TMEM132B: variants seen among roughly 807,000 people sequenced by gnomAD.
TMEM132B encodes the protein transmembrane protein 132B.
A neutral mutation model predicts 90.8 loss-of-function variants in TMEM132B; 18 were observed. That is an observed-to-expected ratio of 0.20 (90% CI 0.14 to 0.29). The LOEUF is 0.29. Among genes scored for constraint, TMEM132B ranks in the 10% least tolerant of loss-of-function variants. TMEM132B has a pLI of 1.00. For synonymous variants in TMEM132B, 504 were observed against 523.3 expected (o/e 0.96, Z 0.50); for missense variants, 1,096 against 1,326.8 (o/e 0.83, Z 2.70).
At chr12:125,324,610 C>T (rs965208859) in intron 1 of TMEM132B, among the ~76,000 whole-genome samples, 3 of 152,180 alleles carry the variant, frequency 2.0e-5, no homozygotes, top group Non-Finnish European at 4.4e-5. Context: ...GTCGGATCAG[C>T]GGCAGCATTA....
intron 5 of TMEM132B, among the ~76,000 whole-genome samples, chr12:125,602,792 A>C (rs1263645837): frequency 6.6e-6 from 1 of 152,224 alleles, no homozygotes; most frequent in East Asian, 1.9e-4. Flanking sequence ...ATCAATATGC[A>C]AAAATCACAG....
intron 1 of TMEM132B, among the ~76,000 whole-genome samples, chr12:125,253,132 G>A (rs544024901): frequency 3.3e-5 from 5 of 152,168 alleles, no homozygotes; most frequent in African/African-American, 9.6e-5. Context: ...TGACCCCCTC[G>A]TGGAGGCTGC....
rs573778811 is a variant in TMEM132B at position 125,441,259 on chromosome 12, G to C, written c.1106+25582G>C. Among the ~76,000 whole-genome samples, 8 of 152,258 alleles carry C rather than the reference G, an allele frequency of 5.3e-5. No individual in the cohort carries two copies. In the East Asian group the frequency reaches 1.5e-3, roughly 29 times the overall value. On this transcript the variant is annotated intron_variant, in intron 3 of 8. Transcript: ENST00000682704. ...GCATCCATGTCTAGATCAAAAGTTG[G>C]GGGGAGATAGACAAAGAGTGATGTG...
At chr12:125,201,892 G>A (rs544166296) in intron 1 of TMEM132B, among the ~76,000 whole-genome samples, 2 of 152,306 alleles carry the variant, frequency 1.3e-5, no homozygotes, top group South Asian at 4.1e-4. Context: ...CGTCTCTGTG[G>A]TGTTGCTCAT....
Position 125,500,465 on chromosome 12 carries a change from G to C in TMEM132B, c.1107-18974G>C, listed in dbSNP as rs549537744. ...TGCTAACTGTTCCCTGGGGGACAAA[G>C]TTGGTGCCATTTGAGGACCACTAGT... On this transcript the variant is annotated intron_variant, in intron 3 of 8. Coordinates refer to ENST00000682704, the MANE Select transcript of TMEM132B (RefSeq NM_001366854.1). Among the ~76,000 whole-genome samples the C allele has an allele frequency of 5.3e-5, 8 of 152,314 alleles. 1 individual carries two copies. The South Asian group carries it at 1.5e-3, about 28-fold the overall frequency.
intron 3 of TMEM132B, among the ~76,000 whole-genome samples, chr12:125,431,207 A>C (rs1466010113): frequency 6.6e-6 from 1 of 152,118 alleles, no homozygotes; most frequent in Non-Finnish European, 1.5e-5. Context: ...TTGGAGGAGC[A>C]AGGGTGGAGC....
intron 1 of TMEM132B, among the ~76,000 whole-genome samples, chr12:125,344,387 G>A (rs775259419): frequency 2.0e-5 from 3 of 152,214 alleles, no homozygotes; most frequent in Non-Finnish European, 4.4e-5. Context: ...AGAACAGCAG[G>A]AGCTGGAAGC....
At chr12:125,340,950 A>C (rs12299144) in intron 1 of TMEM132B, among the ~76,000 whole-genome samples, 3,180 of 152,320 alleles carry the variant, frequency 0.021, 112 homozygotes, top group African/African-American at 0.073. Context: ...AGTTGGGAGC[A>C]CTCACCAGAG....
At chr12:125,205,419 C>T (rs1024674204) in intron 1 of TMEM132B, among the ~76,000 whole-genome samples, 25 of 152,116 alleles carry the variant, frequency 1.6e-4, no homozygotes, top group African/African-American at 4.6e-4. Context: ...CTCGTGAATC[C>T]TTTCAATGAG....
rs61756702 is a variant in TMEM132B at position 125,654,617 on chromosome 12, C to A, written c.3159C>A (p.Ser1053Arg). 5.0e-6 allele frequency: 8 copies of A among 1,614,094 alleles called. No homozygotes were observed. Among genetic ancestry groups the A allele is most frequent in the Non-Finnish European group, 6.8e-6 (8 of 1,180,040 alleles). Residue 1053 changes from serine (S) to arginine (R), a missense_variant, in exon 9 of 9, where the codon AGC becomes AGA. Ser to Arg is a moderately radical substitution (Grantham distance 110, BLOSUM62 -1). Transcript: ENST00000682704. The surrounding 1 kb of genome is among the most constrained non-coding windows in gnomAD (Gnocchi z 5.8). ...ACACCAACTCCATCCTGTTTGACAGCGATGATAACATCAAGTGGGTCTGCC... is the reference window on the plus strand; with the variant it reads ...ACACCAACTCCATCCTGTTTGACAGAGATGATAACATCAAGTGGGTCTGCC... The part of the protein sequence containing the change: ...GPYTNSILFD[S>R]DDNIKWVCQD...
intron 5 of TMEM132B, chr12:125,622,745 T>A: frequency 2.6e-6 from 2 of 771,276 alleles, no homozygotes; most frequent in Non-Finnish European, 1.6e-6. Flanking sequence ...CTGGAGCAAG[T>A]GGTGGGGAGG....
intron 4 of TMEM132B, among the ~76,000 whole-genome samples, chr12:125,542,142 A>G (rs1214347239): frequency 6.6e-6 from 1 of 151,832 alleles, no homozygotes; most frequent in African/African-American, 2.4e-5. Context: ...GAGTTAGAAA[A>G]GTTAGCATGA....
At chr12:125,187,059 T>G (rs1313246484) in intron 1 of TMEM132B, among the ~76,000 whole-genome samples, 193 bp downstream of exon 1, 2 of 152,132 alleles carry the variant, frequency 1.3e-5, no homozygotes, top group Non-Finnish European at 2.9e-5. Flanking sequence ...CCCGCCTGCC[T>G]TCTCCCCCAA....
intron 1 of TMEM132B, among the ~76,000 whole-genome samples, chr12:125,313,454 C>G (rs1170636896): frequency 6.6e-6 from 1 of 151,364 alleles, no homozygotes; most frequent in Admixed American, 6.6e-5. Context: ...TTCCTTCCTC[C>G]CTTCTTTCTC....
chr12:125,350,014 G>C lies in TMEM132B; in HGVS notation c.630G>C (p.Glu210Asp). Residue 210 changes from glutamate (E) to aspartate (D), a missense_variant, in exon 2 of 9, where the codon GAG becomes GAC. Transcript: ENST00000682704. ...SSGLDLEPEE[E>D]IPALLGGTTM... ...GCCTGGACCTGGAACCAGAGGAGGA[G>C]ATCCCAGCCCTGCTCGGGGGCACCA... 6.2e-7 allele frequency: 1 copy of C among 1,614,226 alleles called. No individual in the cohort carries two copies. Among genetic ancestry groups the C allele is most frequent in the Non-Finnish European group, 8.5e-7 (1 of 1,180,036 alleles).
rs1389714860 is a variant in TMEM132B, at chr12:125,359,845, C to T, written c.959+9502C>T. ...CTGTAATCCCAGCACTTTGGGAGGC[C>T]GAGGCAGGCAGATCCTGAGGTCAAG... On this transcript the variant is annotated intron_variant, in intron 2 of 8. Transcript: ENST00000682704. 5.3e-5 allele frequency among the ~76,000 whole-genome samples: 8 copies of T among 152,102 alleles called. 1 individual carries two copies. Among genetic ancestry groups the T allele is most frequent in the South Asian group, 4.2e-4 (2 of 4,818 alleles).
chr12:125,494,222 C>T (rs1250004388), intron 3 of TMEM132B, among the ~76,000 whole-genome samples: 1 of 140,894 alleles, frequency 7.1e-6, no homozygotes, highest in Non-Finnish European at 1.6e-5. Context: ...CCCTCCTCTC[C>T]CTCCTCCCTG....
At chr12:125,560,995 C>G (rs2136792922) in intron 4 of TMEM132B, among the ~76,000 whole-genome samples, 1 of 152,128 alleles carries the variant, frequency 6.6e-6, no homozygotes, top group Middle Eastern at 3.4e-3. Flanking sequence ...CTAGAAATAT[C>G]ATTTGACCCA....
intron 4 of TMEM132B, among the ~76,000 whole-genome samples, chr12:125,582,029 A>G (rs559485370): frequency 6.6e-6 from 1 of 152,252 alleles, no homozygotes; most frequent in Admixed American, 6.5e-5. Flanking sequence ...AAACAAACTT[A>G]ATTTTTCACA....
Sources: gnomAD v4.1 joint callset for allele counts (sites outside exome capture counted in the v4.1 genomes callset) on GRCh38, gnomAD v4.1.1 for gene constraint, Gnocchi (gnomAD v3.1) non-coding constraint, MANE v1.5 for transcripts, NCBI Gene and HGNC (gene_info 2026-07-23, HGNC 2026-07-21) for gene names.